The following PRIMA1 variants were observed in gnomAD, a reference collection of about 807,000 sequenced individuals.
PRIMA1 encodes proline rich membrane anchor 1, also known as proline-rich membrane anchor 1.
In PRIMA1, 7 loss-of-function variants were observed where a neutral mutation model predicts 17.5. That is an observed-to-expected ratio of 0.40 (90% confidence interval 0.23 to 0.75). The LOEUF (loss-of-function observed/expected upper bound fraction) is 0.75. Among genes scored for constraint, PRIMA1 ranks in the 30% least tolerant of loss-of-function variants. The pLI, the probability that PRIMA1 is intolerant of heterozygous loss-of-function variation, is 0.37. For synonymous variants in PRIMA1, 97 were observed against 77.9 expected, an observed-to-expected ratio of 1.25 and a Z score of -1.29; for missense variants, 200 against 201.8, an observed-to-expected ratio of 0.99 and a Z score of 0.05.
chr14:93,761,429 TC>T (rs543775270), intron 3 of PRIMA1, among the ~76,000 whole-genome samples: 32 of 152,130 alleles, frequency 2.1e-4, no homozygotes, highest in Non-Finnish European at 3.5e-4. Flanking sequence ...GGGACTAACC[TC>T]CCCAGTCTCA....
chr14:93,721,739 C>T (rs1175817722), intron 4 of PRIMA1, among the ~76,000 whole-genome samples, 193 bp from the exon 5 acceptor site: 4 of 152,080 alleles, frequency 2.6e-5, no homozygotes, highest in East Asian at 1.9e-4. Flanking sequence ...AGAAGCTGGA[C>T]GTGGTCTTAA....
intron 3 of PRIMA1, among the ~76,000 whole-genome samples, chr14:93,756,676 C>T (rs897638733): frequency 2.6e-5 from 4 of 152,150 alleles, no homozygotes; most frequent in Admixed American, 1.3e-4. Flanking sequence ...ACTTCCATAT[C>T]CAGCTGCGAC....
At chr14:93,760,202 GAC>G (rs1314218022) in intron 3 of PRIMA1, among the ~76,000 whole-genome samples, 2 of 152,226 alleles carry the variant, frequency 1.3e-5, no homozygotes, top group Non-Finnish European at 1.5e-5. Flanking sequence ...ACCGAACACA[GAC>G]ACACACATGA....
At position 93,787,706 on chromosome 14, in the gene PRIMA1, C is replaced by A; in HGVS notation, c.13G>T (p.Asp5Tyr). 1 of 1,544,114 alleles carries A rather than the reference C, an allele frequency of 6.5e-7. No individual in the cohort carries two copies. Among genetic ancestry groups the A allele is most frequent in the Non-Finnish European group, 8.7e-7 (1 of 1,146,638 alleles). The change falls in exon 2 of 5, where the codon GAC becomes TAC. Residue 5 changes from aspartate (D) to tyrosine (Y), a missense_variant. Coordinates refer to ENST00000393140, the MANE Select transcript of PRIMA1 (RefSeq NM_178013.4). ...CAGCAGCCACGGCGCAGCACCAAGT[C>A]CCGGAGGAGCATCTCGGCCAGCGGC... The part of the protein sequence containing the change: MLLR[D>Y]LVLRRGCCWS...
At chr14:93,774,101 G>GA (rs1885141941) in intron 3 of PRIMA1, among the ~76,000 whole-genome samples, 2 of 151,660 alleles carry the variant, frequency 1.3e-5, no homozygotes, top group Non-Finnish European at 1.5e-5. Context: ...CAAAAAAAAA[G>GA]AAAAAAAATT....
intron 3 of PRIMA1, among the ~76,000 whole-genome samples, chr14:93,769,079 A>G (rs569053757): frequency 4.5e-4 from 69 of 152,006 alleles, no homozygotes; most frequent in African/African-American, 1.6e-3. Flanking sequence ...ACGGATCTCA[A>G]ACTCATCTGG....
chr14:93,778,044 A>G (rs1885272437), intron 3 of PRIMA1, among the ~76,000 whole-genome samples: 1 of 152,194 alleles, frequency 6.6e-6, no homozygotes, highest in Admixed American at 6.5e-5. Context: ...GCATCCCGGG[A>G]TAGAAGGATT....
At chr14:93,774,426 G>A (rs1885151224) in intron 3 of PRIMA1, among the ~76,000 whole-genome samples, 3 of 152,202 alleles carry the variant, frequency 2.0e-5, no homozygotes, top group Non-Finnish European at 4.4e-5. Context: ...ACTTCTAGGG[G>A]GCACTTCACA....
At chr14:93,730,947 A>G (rs1407977714) in intron 4 of PRIMA1, among the ~76,000 whole-genome samples, 2 of 152,044 alleles carry the variant, frequency 1.3e-5, no homozygotes, top group African/African-American at 4.8e-5. Flanking sequence ...AGGGTGCTGG[A>G]GAGGATGATT....
At chr14:93,725,658 T>A (rs12432847) in intron 4 of PRIMA1, among the ~76,000 whole-genome samples, 90,856 of 152,050 alleles carry the variant, frequency 0.6, 28,038 homozygotes, top group Admixed American at 0.69. Flanking sequence ...TTCATAGGCT[T>A]GTTGGGAGGA....
intron 3 of PRIMA1, among the ~76,000 whole-genome samples, chr14:93,778,392 G>A (rs975233914): frequency 6.6e-6 from 1 of 152,208 alleles, no homozygotes; most frequent in African/African-American, 2.4e-5. Context: ...GGACCAAGAG[G>A]CTGGAAACGC....
chr14:93,768,931 G>A (rs902926614), intron 3 of PRIMA1, among the ~76,000 whole-genome samples: 2 of 149,852 alleles, frequency 1.3e-5, no homozygotes, highest in Non-Finnish European at 3.0e-5. Context: ...TCAGACTCCC[G>A]AGTAGCTGAG....
intron 4 of PRIMA1, among the ~76,000 whole-genome samples, chr14:93,730,013 T>C (rs1201971202): frequency 6.6e-6 from 1 of 152,092 alleles, no homozygotes; most frequent in Non-Finnish European, 1.5e-5. Flanking sequence ...AAGCAGACGA[T>C]TTCACTCACC....
intron 3 of PRIMA1, among the ~76,000 whole-genome samples, chr14:93,749,046 G>A (rs575700216): frequency 1.3e-5 from 2 of 152,190 alleles, no homozygotes; most frequent in African/African-American, 4.8e-5. Context: ...TGCCCAAATA[G>A]CCCTCTTTGT....
chr14:93,769,847 T>C lies in PRIMA1; in HGVS notation c.229+9329A>G, dbSNP rs541962757. Reference sequence around the variant, plus strand: ...GAATGTCCCAGAGCCTGGGTCCTTCTGATGGCAGCAGCTAAAACACACTGA... The same window carrying C: ...GAATGTCCCAGAGCCTGGGTCCTTCCGATGGCAGCAGCTAAAACACACTGA... On this transcript the variant is annotated intron_variant, in intron 3 of 4. Transcript: ENST00000393140. Among the ~76,000 whole-genome samples, 3 of 152,304 alleles carry C rather than the reference T, an allele frequency of 2.0e-5. No individual in the cohort carries two copies. In the East Asian group the frequency reaches 5.8e-4, roughly 29 times the overall value.
intron 3 of PRIMA1, among the ~76,000 whole-genome samples, chr14:93,737,906 C>A (rs547113938): frequency 6.6e-6 from 1 of 151,882 alleles, no homozygotes; most frequent in Non-Finnish European, 1.5e-5. Flanking sequence ...CAGAGCATCT[C>A]ATTCTCTCAG....
chr14:93,730,082 G>T (rs2076104191), intron 4 of PRIMA1, among the ~76,000 whole-genome samples: 1 of 152,164 alleles, frequency 6.6e-6, no homozygotes, highest in Admixed American at 6.5e-5. Flanking sequence ...CAGTTTAAAA[G>T]GTGGACTCTG....
At chr14:93,771,107 CGCGTGTGCATGTAT>C (rs1566975998) in intron 3 of PRIMA1, among the ~76,000 whole-genome samples, 17 of 150,784 alleles carry the variant, frequency 1.1e-4, no homozygotes, top group South Asian at 2.1e-4. Context: ...TGTGCATGTA[CGCGTGTGCATGTAT>C]GTGTGTGCAT....
chr14:93,752,496 T>C (rs1454216340), intron 3 of PRIMA1, among the ~76,000 whole-genome samples: 1 of 152,148 alleles, frequency 6.6e-6, no homozygotes, highest in Non-Finnish European at 1.5e-5. Context: ...TAAAAAGTAC[T>C]AAGTACTCAC....
Sources: gnomAD v4.1 joint callset for allele counts (sites outside exome capture counted in the v4.1 genomes callset) on GRCh38, gnomAD v4.1.1 for gene constraint, MANE v1.5 for transcripts, NCBI Gene and HGNC (gene_info 2026-07-23, HGNC 2026-07-21) for gene names.